PPAT: variants seen among roughly 807,000 people sequenced by gnomAD.
The protein encoded by PPAT is phosphoribosyl pyrophosphate amidotransferase.
In PPAT, 20 loss-of-function variants were observed where a neutral mutation model predicts 60.2. The observed-to-expected ratio is 0.33, with a 90% CI of 0.23 to 0.48. The LOEUF (loss-of-function observed/expected upper bound fraction) is 0.48, where lower values mean the gene tolerates loss of function less well. PPAT is among the 20% of genes least tolerant of loss of function. PPAT has a pLI of 0.99. For missense variants in PPAT, 349 were observed against 629.6 expected (o/e 0.55, Z 4.77); for synonymous variants, 194 against 215.1 (o/e 0.90, Z 0.86).
chr4:56,401,815 AAAAT>A (rs1347232527), intron 6 of PPAT, among the ~76,000 whole-genome samples: 1 of 152,124 alleles, frequency 6.6e-6, no homozygotes, highest in Non-Finnish European at 1.5e-5. Context: ...CTTCCTTTCT[AAAAT>A]AAGTCTCTAT....
In PPAT at chr4:56,396,719, T is replaced by C; in HGVS notation, c.1257A>G (p.Ser419=). ...GAKEVHIRVA[S]PPIKYPCFMG... is the part of the protein sequence containing the mutation. ...TGAAGCATGGATATTTAATTGGTGG[T>C]GAAGCTACTCGAATGTGTACCTTGG... Residue 419 remains serine (S), a synonymous_variant, in exon 10 of 11, where the codon TCA becomes TCG. Coordinates refer to ENST00000264220, the MANE Select transcript of PPAT (RefSeq NM_002703.5). This position sits in a 1 kb window ranked among gnomAD's most constrained non-coding sequence, Gnocchi z 4.6. The C allele has an allele frequency of 6.2e-7, 1 of 1,612,764 alleles. No homozygotes were observed.
chr4:56,418,219 C>T (rs1267586940), intron 1 of PPAT, among the ~76,000 whole-genome samples: 3 of 152,166 alleles, frequency 2.0e-5, no homozygotes, highest in Non-Finnish European at 4.4e-5. Context: ...TGGAGGTTCA[C>T]TTGAACCTGG....
chr4:56,397,585 T>G (rs571939252), intron 9 of PPAT, among the ~76,000 whole-genome samples: 1 of 152,292 alleles, frequency 6.6e-6, no homozygotes, highest in Admixed American at 6.5e-5. Context: ...TTTACATAAC[T>G]ATTAGTTGTA....
intron 1 of PPAT, among the ~76,000 whole-genome samples, chr4:56,415,034 A>G (rs1325251102): frequency 2.0e-5 from 3 of 152,202 alleles, no homozygotes; most frequent in African/African-American, 7.2e-5. Context: ...TTTAACATAG[A>G]AACCCTAATA....
In PPAT at chr4:56,432,092, T is replaced by C. The variant is rs77074189; in HGVS notation, c.128+3258A>G. On this transcript the variant is annotated intron_variant, in intron 1 of 10. Coordinates refer to ENST00000264220, the MANE Select transcript of PPAT (RefSeq NM_002703.5). ...CTAATTGATACTCTATTTATTTTTATATGAAATGGCTAATATACCTTCCAG... is the reference window on the plus strand; with the variant it reads ...CTAATTGATACTCTATTTATTTTTACATGAAATGGCTAATATACCTTCCAG... Among the ~76,000 whole-genome samples the C allele has an allele frequency of 2.0e-3, 303 of 152,348 alleles. 4 individuals carry two copies. In the East Asian group the frequency reaches 0.047, roughly 24 times the overall value.
intron 1 of PPAT, among the ~76,000 whole-genome samples, chr4:56,413,831 A>C (rs1716589085): frequency 6.6e-6 from 1 of 152,126 alleles, no homozygotes; most frequent in Non-Finnish European, 1.5e-5. Context: ...CAGGAAGCAA[A>C]AGTTGCAGTG....
intron 1 of PPAT, chr4:56,422,967 G>T (rs1046272478): frequency 6.6e-6 from 1 of 152,116 alleles, no homozygotes; most frequent in African/African-American, 2.4e-5. Context: ...AGTCTTCCAG[G>T]TTATAATGAT....
At chr4:56,424,776 C>CA (rs1418941000) in intron 1 of PPAT, among the ~76,000 whole-genome samples, 1 of 152,188 alleles carries the variant, frequency 6.6e-6, no homozygotes, top group African/African-American at 2.4e-5. Flanking sequence ...GTAGGAGAAA[C>CA]AAAATTGACT....
intron 10 of PPAT, 80 bp from the exon 11 acceptor site, chr4:56,395,628 A>C: frequency 9.6e-7 from 1 of 1,044,156 alleles, no homozygotes; most frequent in Admixed American, 4.0e-5. Context: ...AATAGTTACA[A>C]ACAGAATAAT....
At chr4:56,398,351 C>G (rs962502456) in intron 9 of PPAT, among the ~76,000 whole-genome samples, 3 of 152,140 alleles carry the variant, frequency 2.0e-5, no homozygotes, top group Non-Finnish European at 2.9e-5. Context: ...GCCTGGGCAA[C>G]AGAGCCAGAC....
rs546358760 is a variant in PPAT, at chr4:56,413,000, C to T, written c.129-5284G>A. Among the ~76,000 whole-genome samples, 119 of 89,432 alleles carry T rather than the reference C, an allele frequency of 1.3e-3. 1 individual carries two copies. The highest frequency in any genetic ancestry group is 1.3e-3 in the Non-Finnish European group (56 of 42,780). The allele number at this position is 89,432 out of a possible 152,430, so 58.7% of individuals were successfully genotyped here. ...CAATTAATGGTTCCATAATATTTAA[C>T]TGAGTGTGGGTCTTCCACCCCCATG... is the stretch of plus-strand genomic sequence containing the variant. On this transcript the variant is annotated intron_variant, in intron 1 of 10. Coordinates refer to ENST00000264220, the MANE Select transcript of PPAT (RefSeq NM_002703.5).
chr4:56,415,063 AG>A (rs1302140389), intron 1 of PPAT, among the ~76,000 whole-genome samples: 1 of 152,214 alleles, frequency 6.6e-6, no homozygotes, highest in Non-Finnish European at 1.5e-5. Flanking sequence ...AAGATGATAA[AG>A]AGCATATCTT....
chr4:56,433,267 A>C (rs1053129371), intron 1 of PPAT, among the ~76,000 whole-genome samples: 3 of 151,878 alleles, frequency 2.0e-5, no homozygotes, highest in African/African-American at 7.2e-5. Context: ...TCAGTAATAC[A>C]TTTGTTCCTC....
chr4:56,405,782 A>G (rs755259131), intron 3 of PPAT, among the ~76,000 whole-genome samples: 16 of 152,192 alleles, frequency 1.1e-4, no homozygotes, highest in Admixed American at 2.6e-4. Flanking sequence ...AATATCCTTT[A>G]TAATAAACTG....
chr4:56,426,140 C>T (rs6818340), intron 1 of PPAT, among the ~76,000 whole-genome samples: 51,642 of 152,052 alleles, frequency 0.34, 9,380 homozygotes, highest in Non-Finnish European at 0.41. Context: ...CGGTGGCTAA[C>T]GCCTGTAATC....
chr4:56,431,513 G>A, intron 1 of PPAT: 2 of 981,592 alleles, frequency 2.0e-6, no homozygotes, highest in Non-Finnish European at 2.4e-6. Flanking sequence ...AGATTCTACA[G>A]AATGTTTCTG....
chr4:56,394,929 T>C lies in PPAT; in HGVS notation c.*423A>G, dbSNP rs1274268256. 1 of 152,680 alleles carries C rather than the reference T, an allele frequency of 6.5e-6. No homozygotes were observed. Among genetic ancestry groups the C allele is most frequent in the Non-Finnish European group, 1.5e-5 (1 of 68,522 alleles). The allele number at this position is 152,680 out of a possible 1,614,324, so 9.5% of individuals were successfully genotyped here. On this transcript the variant is annotated 3_prime_UTR_variant, in exon 11 of 11. Transcript: ENST00000264220. The stretch of plus-strand genomic sequence containing the variant: ...CCAAGGTCATAACTACAGCCAGAAC[T>C]GTAGAGGCTAGACACCTATGAGGTA...
At chr4:56,401,229 C>A in intron 7 of PPAT, 101 bp downstream of exon 7, 2 of 1,093,300 alleles carry the variant, frequency 1.8e-6, no homozygotes, top group Non-Finnish European at 2.6e-6. Flanking sequence ...TAACTATATG[C>A]CTTCAAAGAG....
chr4:56,430,779 AAT>A (rs1717541982), intron 1 of PPAT, among the ~76,000 whole-genome samples: 2 of 151,774 alleles, frequency 1.3e-5, no homozygotes, highest in African/African-American at 4.8e-5. Flanking sequence ...TAGACCTTAC[AAT>A]ATATAAGTCT....
Sources: gnomAD v4.1 joint callset for allele counts (sites outside exome capture counted in the v4.1 genomes callset) on GRCh38, gnomAD v4.1.1 for gene constraint, Gnocchi (gnomAD v3.1) non-coding constraint, MANE v1.5 for transcripts, NCBI Gene and HGNC (gene_info 2026-07-23, HGNC 2026-07-21) for gene names.